Variants in CNTN5 observed in about 807,000 individuals in gnomAD.
CNTN5 encodes contactin-5.
CNTN5 carries 77 observed loss-of-function variants against 129.1 expected under a neutral mutation model. That is an observed-to-expected ratio of 0.60 (90% CI 0.50 to 0.72). CNTN5 has a LOEUF of 0.72. CNTN5 is among the 30% of genes least tolerant of loss of function. The pLI, the probability that CNTN5 is intolerant of heterozygous loss-of-function variation, is 0.00. For synonymous variants in CNTN5, 509 were observed against 465.6 expected (o/e 1.09, Z -1.20); for missense variants, 1,478 against 1,328.8 (o/e 1.11, Z -1.75).
intron 6 of CNTN5, among the ~76,000 whole-genome samples, chr11:99,849,351 T>C (rs1947802050): frequency 6.6e-6 from 1 of 151,784 alleles, no homozygotes; most frequent in African/African-American, 2.4e-5. Flanking sequence ...AACATATATA[T>C]ATATATGCAT....
chr11:99,904,893 CA>C (rs1302623929), intron 6 of CNTN5, among the ~76,000 whole-genome samples: 1 of 152,024 alleles, frequency 6.6e-6, no homozygotes. Flanking sequence ...TAATGACCAG[CA>C]ATGATGAGAT....
At chr11:99,468,854 G>A (rs1030218762) in intron 2 of CNTN5, among the ~76,000 whole-genome samples, 1 of 151,472 alleles carries the variant, frequency 6.6e-6, no homozygotes, top group African/African-American at 2.4e-5. Context: ...CCTGTCTCAG[G>A]AAACTTTTTC....
At chr11:99,579,200 G>C (rs184945273) in intron 3 of CNTN5, among the ~76,000 whole-genome samples, 2,041 of 152,126 alleles carry the variant, frequency 0.013, 46 homozygotes, top group African/African-American at 0.044. Context: ...ATCCTGTTTT[G>C]GTACCAGTAC....
intron 2 of CNTN5, among the ~76,000 whole-genome samples, chr11:99,472,548 G>A (rs1945215995): frequency 6.6e-6 from 1 of 152,176 alleles, no homozygotes; most frequent in Non-Finnish European, 1.5e-5. Context: ...TGTTGTGCGT[G>A]AATACTTCCT....
intron 13 of CNTN5, among the ~76,000 whole-genome samples, chr11:100,158,109 T>G (rs186928805): frequency 2.9e-3 from 442 of 151,820 alleles, no homozygotes; most frequent in South Asian, 6.0e-3. Flanking sequence ...ATTAGGAAAT[T>G]TTGTTCTTCA....
intron 6 of CNTN5, among the ~76,000 whole-genome samples, chr11:99,881,227 A>G (rs1187998836): frequency 6.6e-6 from 1 of 152,188 alleles, no homozygotes; most frequent in Non-Finnish European, 1.5e-5. Context: ...TGATCTACAT[A>G]CTACACACTC....
At chr11:100,130,222 G>C (rs1448356384) in intron 13 of CNTN5, among the ~76,000 whole-genome samples, 1 of 152,144 alleles carries the variant, frequency 6.6e-6, no homozygotes, top group Non-Finnish European at 1.5e-5. Context: ...TCATTTGAAA[G>C]CTTACCTTTT....
chr11:100,198,404 A>G (rs1939711), intron 15 of CNTN5, among the ~76,000 whole-genome samples: 1 of 132,802 alleles, frequency 7.5e-6, no homozygotes, highest in African/African-American at 3.1e-5. Context: ...TACTGTATGT[A>G]TGTCTGTCTA....
At chr11:100,310,335 CT>C (rs1951447189) in intron 21 of CNTN5, among the ~76,000 whole-genome samples, 1 of 151,798 alleles carries the variant, frequency 6.6e-6, no homozygotes, top group Non-Finnish European at 1.5e-5. Flanking sequence ...CACCCTCAAG[CT>C]TTTTTTATAC....
intron 1 of CNTN5, among the ~76,000 whole-genome samples, chr11:99,215,676 T>TA (rs1265327378): frequency 2.0e-5 from 3 of 152,172 alleles, no homozygotes; most frequent in Non-Finnish European, 4.4e-5. Context: ...TATTTCCCTT[T>TA]AAAATCATGA....
chr11:99,309,277 A>C (rs1865004432), intron 1 of CNTN5, among the ~76,000 whole-genome samples: 7 of 151,298 alleles, frequency 4.6e-5, no homozygotes, highest in Admixed American at 4.6e-4. Context: ...AACTATTGAA[A>C]TTCTGAATCA....
chr11:99,915,560 A>C (rs1397548907), intron 6 of CNTN5, among the ~76,000 whole-genome samples: 1 of 152,070 alleles, frequency 6.6e-6, no homozygotes. Context: ...TGCTTTTTCT[A>C]TTTTTACTAT....
intron 1 of CNTN5, among the ~76,000 whole-genome samples, chr11:99,257,453 T>C (rs1469783221): frequency 1.3e-5 from 2 of 152,124 alleles, no homozygotes; most frequent in African/African-American, 2.4e-5. Flanking sequence ...AAACTATCCA[T>C]ACCTATCTTA....
chr11:99,141,595 G>C (rs751832395), intron 1 of CNTN5, among the ~76,000 whole-genome samples: 1 of 151,996 alleles, frequency 6.6e-6, no homozygotes, highest in Non-Finnish European at 1.5e-5. Flanking sequence ...TGATGTTAGG[G>C]TGTTAATTTG....
chr11:99,908,611 A>G (rs948228988), intron 6 of CNTN5, among the ~76,000 whole-genome samples: 2 of 152,092 alleles, frequency 1.3e-5, no homozygotes, highest in African/African-American at 2.4e-5. Flanking sequence ...CCTCTGCCAG[A>G]GTTCATAGAC....
chr11:99,222,354 T>G (rs1335384856), intron 1 of CNTN5, among the ~76,000 whole-genome samples: 1 of 150,646 alleles, frequency 6.6e-6, no homozygotes, highest in Non-Finnish European at 1.5e-5. Flanking sequence ...AGAATGGGGG[T>G]TGGGGGGACA....
intron 3 of CNTN5, among the ~76,000 whole-genome samples, chr11:99,660,318 C>T (rs1023640677): frequency 2.6e-5 from 4 of 151,968 alleles, no homozygotes; most frequent in African/African-American, 9.7e-5. Flanking sequence ...TGTTGGTTGC[C>T]TAATGATTTT....
At chr11:99,863,231 G>A (rs1043555834) in intron 6 of CNTN5, among the ~76,000 whole-genome samples, 22 of 152,142 alleles carry the variant, frequency 1.4e-4, no homozygotes, top group Non-Finnish European at 2.8e-4. Context: ...GAAAGAGATG[G>A]AAAAAAGCAG....
intron 9 of CNTN5, among the ~76,000 whole-genome samples, chr11:100,060,639 T>C (rs1046536385): frequency 9.4e-6 from 1 of 105,968 alleles, no homozygotes; most frequent in Non-Finnish European, 1.8e-5. Flanking sequence ...CAATTTTTTT[T>C]CTTTTTTTTT....
Sources: gnomAD v4.1 joint callset for allele counts (sites outside exome capture counted in the v4.1 genomes callset) on GRCh38, gnomAD v4.1.1 for gene constraint, MANE v1.5 for transcripts, NCBI Gene and HGNC (gene_info 2026-07-23, HGNC 2026-07-21) for gene names.